The following ZFAND3 variants were observed in gnomAD, a reference collection of about 807,000 sequenced individuals.
The protein encoded by ZFAND3 is AN1-type zinc finger protein 3.
Under a neutral mutation model 29.6 loss-of-function variants are expected in ZFAND3, and 10 were observed. The observed-to-expected ratio is 0.34, with a 90% CI of 0.21 to 0.57. The LOEUF (loss-of-function observed/expected upper bound fraction) is 0.57. ZFAND3 is among the 20% of genes least tolerant of loss of function. The pLI is 0.86. For missense variants in ZFAND3, 230 were observed against 304.5 expected, an observed-to-expected ratio of 0.76 and a Z score of 1.82; for synonymous variants, 128 against 112.6, an observed-to-expected ratio of 1.14 and a Z score of -0.87.
chr6:38,091,679 C>T (rs1028649217), intron 4 of ZFAND3, among the ~76,000 whole-genome samples: 4 of 143,532 alleles, frequency 2.8e-5, no homozygotes, highest in Admixed American at 1.4e-4. Context: ...ATGATACTGC[C>T]CATTAAGGAG....
chr6:37,871,204 A>C (rs746779275), intron 1 of ZFAND3, among the ~76,000 whole-genome samples: 1 of 152,322 alleles, frequency 6.6e-6, no homozygotes, highest in African/African-American at 2.4e-5. Context: ...CAGATTGAAT[A>C]GTATCTATTC....
intron 5 of ZFAND3, among the ~76,000 whole-genome samples, chr6:38,144,824 G>A (rs369795502): frequency 3.3e-5 from 5 of 152,306 alleles, no homozygotes; most frequent in African/African-American, 7.2e-5. Flanking sequence ...ATTTATTATA[G>A]TCCAAAAGTA....
chr6:37,927,876 A>G (rs757882129), intron 1 of ZFAND3, among the ~76,000 whole-genome samples: 7 of 152,184 alleles, frequency 4.6e-5, no homozygotes, highest in Admixed American at 3.9e-4. Context: ...TTGGAATTAG[A>G]CCAGATTAAT....
At chr6:38,108,606 AC>A (rs1183959801) in intron 4 of ZFAND3, among the ~76,000 whole-genome samples, 1 of 152,196 alleles carries the variant, frequency 6.6e-6, no homozygotes, top group African/African-American at 2.4e-5. Context: ...AAGAAAGTGG[AC>A]CAGAAGACCA....
At chr6:38,101,153 A>G (rs1765085174) in intron 4 of ZFAND3, among the ~76,000 whole-genome samples, 1 of 152,222 alleles carries the variant, frequency 6.6e-6, no homozygotes, top group South Asian at 2.1e-4. Flanking sequence ...CATGTTTCAA[A>G]TACATACTAA....
At chr6:38,128,369 ATGT>A (rs2127490161) in intron 5 of ZFAND3, among the ~76,000 whole-genome samples, 1 of 152,208 alleles carries the variant, frequency 6.6e-6, no homozygotes, top group South Asian at 2.1e-4. Flanking sequence ...TGGGGAACAG[ATGT>A]TGTTTGTTTA....
intron 2 of ZFAND3, 37 bp from the exon 3 acceptor site, chr6:38,061,556 A>T: frequency 6.2e-7 from 1 of 1,610,902 alleles, no homozygotes; most frequent in East Asian, 2.2e-5. Context: ...AGAGACTGTG[A>T]ACTCCTTAAT....
intron 5 of ZFAND3, among the ~76,000 whole-genome samples, chr6:38,117,866 G>C (rs1765452207): frequency 6.6e-6 from 1 of 152,200 alleles, no homozygotes; most frequent in Admixed American, 6.5e-5. Flanking sequence ...ATTGGAAATG[G>C]GAAGGAAGAG....
chr6:38,014,933 C>T lies in ZFAND3; in HGVS notation c.113-46660C>T, dbSNP rs570385580. Among the ~76,000 whole-genome samples the T allele has an allele frequency of 8.5e-5, 13 of 152,284 alleles. No individual in the cohort carries two copies. The East Asian group carries it at 2.5e-3, about 29-fold the overall frequency. ...GCTTAAAAGTGATGCAGGTGCAGTTCTGCAAATTTAGAAAATAATCATTCG... is the reference window on the plus strand; with the variant it reads ...GCTTAAAAGTGATGCAGGTGCAGTTTTGCAAATTTAGAAAATAATCATTCG... On this transcript the variant is annotated intron_variant, in intron 2 of 5. Coordinates refer to ENST00000287218, the MANE Select transcript of ZFAND3 (RefSeq NM_021943.3).
chr6:37,944,186 T>C (rs1761859833), intron 2 of ZFAND3, among the ~76,000 whole-genome samples: 1 of 152,178 alleles, frequency 6.6e-6, no homozygotes, highest in Admixed American at 6.5e-5. Flanking sequence ...TAATTAAAAT[T>C]TTTATTTAAA....
chr6:38,034,434 G>GCT, intron 2 of ZFAND3, among the ~76,000 whole-genome samples: 1 of 152,098 alleles, frequency 6.6e-6, no homozygotes, highest in African/African-American at 2.4e-5. Flanking sequence ...TATTTTATTA[G>GCT]GAAAAAAGTA....
At chr6:38,071,579 A>G (rs1561988579) in intron 3 of ZFAND3, among the ~76,000 whole-genome samples, 1 of 152,120 alleles carries the variant, frequency 6.6e-6, no homozygotes, top group Non-Finnish European at 1.5e-5. Context: ...ATATACCTTT[A>G]TAGTATGTAT....
At chr6:37,923,011 T>A (rs917183926) in intron 1 of ZFAND3, among the ~76,000 whole-genome samples, 23 of 152,228 alleles carry the variant, frequency 1.5e-4, no homozygotes, top group African/African-American at 2.9e-4. Flanking sequence ...TTATAAACTT[T>A]AAAAAAATTT....
chr6:38,154,603 A>G lies in ZFAND3; in HGVS notation c.*2214A>G, dbSNP rs567561244. On this transcript the variant is annotated 3_prime_UTR_variant, in exon 6 of 6. Coordinates refer to ENST00000287218, the MANE Select transcript of ZFAND3 (RefSeq NM_021943.3). ...TTCTTTTTTCTCCTGCTGAAAAAAA[A>G]AATTAAACCAATCGTATGAAAGTTT... 1,862 of 957,506 alleles carry G rather than the reference A, an allele frequency of 1.9e-3. 6 individuals are homozygous for G. Among genetic ancestry groups the G allele is most frequent in the Non-Finnish European group, 2.1e-3 (1,704 of 804,182 alleles). The allele number at this position is 957,506 out of a possible 1,614,324, so 59.3% of individuals were successfully genotyped here. A position where few individuals can be genotyped will look rare whatever the true frequency, so the allele number is the denominator to read the frequency against.
chr6:38,149,153 A>G (rs1290846708), intron 5 of ZFAND3, among the ~76,000 whole-genome samples: 1 of 152,102 alleles, frequency 6.6e-6, no homozygotes, highest in African/African-American at 2.4e-5. Context: ...TAATCCCAGC[A>G]ATCCAGCACT....
At chr6:37,889,070 G>C (rs1765048818) in intron 1 of ZFAND3, among the ~76,000 whole-genome samples, 1 of 152,114 alleles carries the variant, frequency 6.6e-6, no homozygotes, top group African/African-American at 2.4e-5. Flanking sequence ...AAGAAGTCTG[G>C]ATTTGGTGGT....
At chr6:37,846,704 ATTTTTTTTTTTTTGTT>A (rs1451066193) in intron 1 of ZFAND3, among the ~76,000 whole-genome samples, 1 of 140,898 alleles carries the variant, frequency 7.1e-6, no homozygotes, top group Non-Finnish European at 1.6e-5. Flanking sequence ...TATACTTGTG[ATTTTTTTTTTTTTGTT>A]TTTTTTTTTG....
intron 1 of ZFAND3, among the ~76,000 whole-genome samples, chr6:37,918,764 A>C (rs915387456): frequency 6.6e-6 from 1 of 152,046 alleles, no homozygotes; most frequent in African/African-American, 2.4e-5. Flanking sequence ...AGCTCCATAA[A>C]TGTTGTTGTT....
At chr6:37,853,226 G>A (rs1011742598) in intron 1 of ZFAND3, among the ~76,000 whole-genome samples, 4 of 151,990 alleles carry the variant, frequency 2.6e-5, no homozygotes, top group South Asian at 2.1e-4. Context: ...AGTGACACTG[G>A]TAGGATGGGT....
Sources: gnomAD v4.1 joint callset for allele counts (sites outside exome capture counted in the v4.1 genomes callset) on GRCh38, gnomAD v4.1.1 for gene constraint, MANE v1.5 for transcripts, NCBI Gene and HGNC (gene_info 2026-07-23, HGNC 2026-07-21) for gene names.